RFX3: variants seen among roughly 807,000 people sequenced by gnomAD.
RFX3 encodes transcription factor RFX3.
RFX3 carries 14 observed loss-of-function variants against 98.6 expected under a neutral mutation model. The ratio of observed to expected loss-of-function variants is 0.14; its 90% confidence interval spans 0.09 to 0.22. The LOEUF is 0.22. Among genes scored for constraint, RFX3 ranks in the 10% least tolerant of loss-of-function variants. RFX3 has a pLI of 1.00. For synonymous variants in RFX3, 383 were observed against 328.4 expected (o/e 1.17, Z -1.80); for missense variants, 639 against 926.9 (o/e 0.69, Z 4.03).
At chr9:3,498,842 G>A (rs901564288) in intron 1 of RFX3, among the ~76,000 whole-genome samples, 3 of 151,930 alleles carry the variant, frequency 2.0e-5, no homozygotes, top group African/African-American at 4.8e-5. Flanking sequence ...AATCTATTAC[G>A]GTTGCTAGGA....
At chr9:3,367,665 C>A (rs908609249) in intron 2 of RFX3, among the ~76,000 whole-genome samples, 1 of 152,200 alleles carries the variant, frequency 6.6e-6, no homozygotes, top group East Asian at 1.9e-4. Context: ...AAAGGAAATA[C>A]ACTCGGAACC....
chr9:3,462,226 G>C (rs1310570351), intron 1 of RFX3, among the ~76,000 whole-genome samples: 2 of 151,954 alleles, frequency 1.3e-5, no homozygotes, highest in Non-Finnish European at 2.9e-5. Flanking sequence ...CATATAAACA[G>C]ATAATGACAA....
chr9:3,367,138 T>C (rs1162628688), intron 2 of RFX3, among the ~76,000 whole-genome samples: 1 of 152,180 alleles, frequency 6.6e-6, no homozygotes, highest in Admixed American at 6.5e-5. Flanking sequence ...TTACGTTATA[T>C]GGTACAGCTG....
At chr9:3,516,725 A>T (rs1028387316) in intron 1 of RFX3, among the ~76,000 whole-genome samples, 4 of 148,258 alleles carry the variant, frequency 2.7e-5, no homozygotes, top group African/African-American at 7.4e-5. Flanking sequence ...TCGCTTTCGC[A>T]CTCTCTCTCT....
intron 1 of RFX3, among the ~76,000 whole-genome samples, chr9:3,427,160 TTTTCC>T (rs1001884096): frequency 2.0e-5 from 3 of 149,046 alleles, no homozygotes; most frequent in Non-Finnish European, 3.0e-5. Flanking sequence ...TTGGTCATAC[TTTTCC>T]TTTTTCTTTT....
chr9:3,322,137 C>T (rs747607465), intron 4 of RFX3, among the ~76,000 whole-genome samples: 2 of 152,006 alleles, frequency 1.3e-5, no homozygotes, highest in Non-Finnish European at 2.9e-5. Flanking sequence ...ACATGAACAG[C>T]CTTTCTTGTC....
chr9:3,496,376 T>G (rs549582794), intron 1 of RFX3, among the ~76,000 whole-genome samples: 2 of 152,020 alleles, frequency 1.3e-5, no homozygotes, highest in Non-Finnish European at 2.9e-5. Context: ...GTTTAAAGAA[T>G]TCTTAATCAC....
At chr9:3,271,598 T>A (rs1299449287) in intron 9 of RFX3, among the ~76,000 whole-genome samples, 3 of 151,850 alleles carry the variant, frequency 2.0e-5, no homozygotes, top group Non-Finnish European at 1.5e-5. Context: ...ACTGCTTCTT[T>A]CTGCCTCTAT....
rs560128765 is a variant in RFX3 at position 3,477,132 on chromosome 9, C to T, written c.-9+48615G>A. On this transcript the variant is annotated intron_variant, in intron 1 of 16. Transcript: ENST00000617270. The stretch of plus-strand genomic sequence containing the variant: ...AAAATTTTCATTACTTTTATAAACA[C>T]TTCTCCAGACAGCAAAGTATAATTC... Among the ~76,000 whole-genome samples the T allele has an allele frequency of 4.2e-4, 64 of 152,156 alleles. No homozygotes were observed. The South Asian group carries it at 9.9e-3, about 24-fold the overall frequency.
At chr9:3,390,810 G>A (rs940057119) in intron 2 of RFX3, among the ~76,000 whole-genome samples, 43 of 152,184 alleles carry the variant, frequency 2.8e-4, no homozygotes, top group South Asian at 1.0e-3. Flanking sequence ...TGAACTGTAA[G>A]TCCCTTAAAT....
chr9:3,432,108 A>T (rs952520435), intron 1 of RFX3, among the ~76,000 whole-genome samples: 1 of 152,186 alleles, frequency 6.6e-6, no homozygotes, highest in Non-Finnish European at 1.5e-5. Flanking sequence ...CTGCCTAAGA[A>T]GATGAGAACA....
At chr9:3,418,227 G>A (rs1843139874) in intron 1 of RFX3, among the ~76,000 whole-genome samples, 1 of 152,136 alleles carries the variant, frequency 6.6e-6, no homozygotes, top group Non-Finnish European at 1.5e-5. Flanking sequence ...CTATAAAATG[G>A]TATAAATAGT....
chr9:3,304,945 T>C (rs1829101677), intron 4 of RFX3, among the ~76,000 whole-genome samples: 1 of 152,072 alleles, frequency 6.6e-6, no homozygotes, highest in Non-Finnish European at 1.5e-5. Context: ...TTAACCCTTT[T>C]GAGGATGTAA....
chr9:3,505,206 ATATATGAATATATATT>A (rs1442337627), intron 1 of RFX3, among the ~76,000 whole-genome samples: 2 of 68,420 alleles, frequency 2.9e-5, no homozygotes, highest in East Asian at 8.6e-4. Context: ...ATATTTATAT[ATATATGAATATATATT>A]TATATATGAA....
intron 4 of RFX3, among the ~76,000 whole-genome samples, chr9:3,313,452 A>T (rs1220138238): frequency 6.6e-6 from 1 of 152,246 alleles, no homozygotes; most frequent in African/African-American, 2.4e-5. Context: ...TAAAAATCAA[A>T]GTGCTTCTTC....
Position 3,218,720 on chromosome 9 carries a change from G to A in RFX3, c.*6322C>T, listed in dbSNP as rs535714841. The A allele has an allele frequency of 1.3e-5, 2 of 152,196 alleles. No individual in the cohort carries two copies. The highest frequency in any genetic ancestry group is 4.1e-4 in the South Asian group (2 of 4,822). 9.4% of individuals were successfully genotyped at this position (152,196 alleles called of 1,614,324 possible). On this transcript the variant is annotated 3_prime_UTR_variant, in exon 17 of 17. Transcript: ENST00000617270. ...TTTATTCAACTGTAGTCCAAAAACT[G>A]GAAAAGAACATTACATTATCTCACA...
rs187549382 is a variant in RFX3, at chr9:3,442,555, G to C, written c.-8-46959C>G. On this transcript the variant is annotated intron_variant, in intron 1 of 16. Transcript: ENST00000617270. ...AGAAACAGATATTAGTGGAAAAACT[G>C]ATGAAATCCAAATAAAGTCTGAAGT... 1.3e-3 allele frequency among the ~76,000 whole-genome samples: 191 copies of C among 152,230 alleles called. 3 individuals are homozygous for C. Among genetic ancestry groups the C allele is most frequent in the Non-Finnish European group, 1.0e-4 (7 of 68,006 alleles).
intron 1 of RFX3, among the ~76,000 whole-genome samples, chr9:3,416,864 C>T (rs534784129): frequency 1.3e-4 from 20 of 152,034 alleles, no homozygotes; most frequent in Admixed American, 1.0e-3. Flanking sequence ...TAAATGGCAA[C>T]ACAGTAGATT....
chr9:3,499,581 G>T (rs926640946), intron 1 of RFX3, among the ~76,000 whole-genome samples: 3 of 152,014 alleles, frequency 2.0e-5, no homozygotes, highest in Non-Finnish European at 4.4e-5. Context: ...GTTTATAAAT[G>T]AAATACTGTT....
Sources: allele counts gnomAD v4.1 joint callset (sites outside exome capture counted in the v4.1 genomes callset), GRCh38; gene constraint gnomAD v4.1.1; transcripts MANE v1.5; gene names NCBI Gene and HGNC (gene_info 2026-07-23, HGNC 2026-07-21).